The following GUCY1A2 variants were observed in gnomAD, a reference collection of about 807,000 sequenced individuals.
GUCY1A2 encodes guanylate cyclase 1 soluble subunit alpha 2.
GUCY1A2 carries 27 observed loss-of-function variants against 63.5 expected under a neutral mutation model. That is an observed-to-expected ratio of 0.43 (90% CI 0.31 to 0.59). The LOEUF is 0.59. GUCY1A2 is among the 20% of genes least tolerant of loss of function. The pLI, the probability that GUCY1A2 is intolerant of heterozygous loss-of-function variation, is 0.11. For missense variants in GUCY1A2, 768 were observed against 913.3 expected (o/e 0.84, Z 2.05); for synonymous variants, 364 against 343.5 (o/e 1.06, Z -0.66).
At chr11:106,750,735 T>TAA (rs59179865) in intron 6 of GUCY1A2, among the ~76,000 whole-genome samples, 17,353 of 149,670 alleles carry the variant, frequency 0.12, 1,264 homozygotes, top group African/African-American at 0.21. Flanking sequence ...ATAGTGGATG[T>TAA]AAAAAAAAAA....
chr11:106,978,838 C>G, intron 2 of GUCY1A2, 98 bp from the exon 3 acceptor site: 1 of 681,986 alleles, frequency 1.5e-6, no homozygotes, highest in African/African-American at 1.8e-5. Context: ...TCTATGCTTT[C>G]ATCATAGTCA....
intron 4 of GUCY1A2, among the ~76,000 whole-genome samples, chr11:106,931,701 A>C (rs1860605068): frequency 6.6e-6 from 1 of 152,228 alleles, no homozygotes; most frequent in African/African-American, 2.4e-5. Flanking sequence ...AGATAAGCTC[A>C]AAAACATGAT....
chr11:106,826,695 G>A, intron 4 of GUCY1A2: 1 of 1,609,292 alleles, frequency 6.2e-7, no homozygotes, highest in Non-Finnish European at 8.5e-7. Context: ...TGAAATCCAT[G>A]TCAATAGAGT....
At chr11:106,864,583 C>A (rs117272115) in intron 4 of GUCY1A2, among the ~76,000 whole-genome samples, 6,164 of 152,136 alleles carry the variant, frequency 0.041, 147 homozygotes, top group East Asian at 0.11. Flanking sequence ...ATTATTTTAA[C>A]ATACATTCCA....
At chr11:106,856,761 T>C (rs1859442208) in intron 4 of GUCY1A2, among the ~76,000 whole-genome samples, 2 of 152,162 alleles carry the variant, frequency 1.3e-5, no homozygotes, top group East Asian at 1.9e-4. Context: ...CCCGTGGTGA[T>C]GTGTACCCAG....
chr11:106,871,620 C>A, intron 4 of GUCY1A2, among the ~76,000 whole-genome samples: 1 of 152,080 alleles, frequency 6.6e-6, no homozygotes, highest in East Asian at 1.9e-4. Flanking sequence ...AATGACCTCA[C>A]CTTAAGGTCA....
At chr11:106,755,617 T>C (rs972728215) in intron 6 of GUCY1A2, among the ~76,000 whole-genome samples, 8 of 152,222 alleles carry the variant, frequency 5.3e-5, no homozygotes, top group African/African-American at 1.9e-4. Context: ...CAGTAGTCAT[T>C]CAGGAGCAGG....
At chr11:106,908,874 G>T (rs1860251487) in intron 4 of GUCY1A2, among the ~76,000 whole-genome samples, 2 of 151,886 alleles carry the variant, frequency 1.3e-5, no homozygotes, top group Non-Finnish European at 1.5e-5. Flanking sequence ...CTACAAAATA[G>T]GTCAATGAAA....
At chr11:107,015,561 CAAAAAAAAAAAAAAAAAAAA>C (rs568139219) in intron 1 of GUCY1A2, among the ~76,000 whole-genome samples, 16 of 27,480 alleles carry the variant, frequency 5.8e-4, no homozygotes, top group South Asian at 5.7e-3. Flanking sequence ...TTCTCTTAGG[CAAAAAAAAAAAAAAAAAAAA>C]AAAAAAAAAA....
intron 3 of GUCY1A2, among the ~76,000 whole-genome samples, chr11:106,962,480 G>A (rs1482218434): frequency 6.6e-5 from 10 of 151,440 alleles, no homozygotes; most frequent in African/African-American, 1.5e-4. Context: ...GCTTAAACCC[G>A]GGAGGCAGAG....
At chr11:106,759,081 T>C (rs539375838) in intron 6 of GUCY1A2, among the ~76,000 whole-genome samples, 3 of 151,834 alleles carry the variant, frequency 2.0e-5, no homozygotes, top group Non-Finnish European at 4.4e-5. Context: ...GGATCATTTG[T>C]ATCCCAAACC....
chr11:106,951,705 T>C (rs1413221035), intron 3 of GUCY1A2, among the ~76,000 whole-genome samples: 2 of 152,226 alleles, frequency 1.3e-5, no homozygotes, highest in Non-Finnish European at 2.9e-5. Context: ...ACTCTGATGA[T>C]AGTTTATTTT....
intron 1 of GUCY1A2, among the ~76,000 whole-genome samples, chr11:106,991,095 T>G (rs1396200387): frequency 1.3e-5 from 2 of 152,036 alleles, no homozygotes; most frequent in Non-Finnish European, 2.9e-5. Context: ...GATCAAGCAG[T>G]TCTAATACCT....
At chr11:106,827,418 T>G in intron 4 of GUCY1A2, 1 of 1,482,486 alleles carries the variant, frequency 6.7e-7, no homozygotes, top group Non-Finnish European at 9.4e-7. Context: ...CTAACTCAAG[T>G]GCGATACCAC....
intron 2 of GUCY1A2, among the ~76,000 whole-genome samples, chr11:106,979,285 C>T (rs1387061895): frequency 6.6e-6 from 1 of 151,964 alleles, no homozygotes; most frequent in Non-Finnish European, 1.5e-5. Context: ...GAAACCCCGT[C>T]TCTACTAAAA....
At chr11:106,798,465 A>T (rs1192689937) in intron 5 of GUCY1A2, among the ~76,000 whole-genome samples, 1 of 152,216 alleles carries the variant, frequency 6.6e-6, no homozygotes, top group Non-Finnish European at 1.5e-5. Context: ...CAACAAAAAA[A>T]GAGAATTTTA....
At chr11:106,805,168 G>A (rs940877601) in intron 5 of GUCY1A2, among the ~76,000 whole-genome samples, 15 of 151,930 alleles carry the variant, frequency 9.9e-5, no homozygotes, top group African/African-American at 3.4e-4. Context: ...ATGGACATTT[G>A]CAAACCACAC....
At chr11:106,828,194 G>T (rs1230815743) in intron 4 of GUCY1A2, among the ~76,000 whole-genome samples, 2 of 151,994 alleles carry the variant, frequency 1.3e-5, no homozygotes, top group African/African-American at 4.8e-5. Context: ...AAGCTTTTTA[G>T]TTTGATAAAG....
At chr11:106,978,553 C>T in intron 3 of GUCY1A2, 66 bp downstream of exon 3, 2 of 1,117,524 alleles carry the variant, frequency 1.8e-6, no homozygotes, top group Non-Finnish European at 2.6e-6. Context: ...ACATGAAACA[C>T]TTCCACCTCG....
Sources: gnomAD v4.1 joint callset for allele counts (sites outside exome capture counted in the v4.1 genomes callset) on GRCh38, gnomAD v4.1.1 for gene constraint, MANE v1.5 for transcripts, NCBI Gene and HGNC (gene_info 2026-07-23, HGNC 2026-07-21) for gene names.